Variants in STARD13 observed in about 807,000 individuals in gnomAD.
STARD13 encodes the protein stAR-related lipid transfer protein 13.
A neutral mutation model predicts 106.4 loss-of-function variants in STARD13; 62 were observed. The observed-to-expected ratio is 0.58, with a 90% CI of 0.48 to 0.72. The LOEUF (loss-of-function observed/expected upper bound fraction) is 0.72. Ranked by LOEUF, STARD13 falls within the 30% of genes least tolerant of loss-of-function variation. STARD13 has a pLI of 0.00. For missense variants in STARD13, 1,387 were observed against 1,424.0 expected (o/e 0.97, Z 0.42); for synonymous variants, 565 against 553.0 (o/e 1.02, Z -0.31).
chr13:33,355,799 T>C, the STARD13 span: 1 of 152,242 alleles, frequency 6.6e-6, no homozygotes, highest in Non-Finnish European at 1.5e-5. Flanking sequence ...CCTGCCCTGA[T>C]TGGTCTATCT....
At chr13:33,466,546 C>G in the STARD13 span, among the ~76,000 whole-genome samples, 1 of 152,038 alleles carries the variant, frequency 6.6e-6, no homozygotes, top group African/African-American at 2.4e-5. Context: ...TGCTAAGCTC[C>G]TAGACAGTAA....
the STARD13 span, among the ~76,000 whole-genome samples, chr13:33,565,323 A>C: frequency 6.8e-6 from 1 of 147,546 alleles, no homozygotes; most frequent in African/African-American, 2.5e-5. Flanking sequence ...ATTTCTAAAG[A>C]GCTAGGAGAG....
chr13:33,124,020 G>C (rs1876770633), intron 7 of STARD13, among the ~76,000 whole-genome samples: 2 of 152,232 alleles, frequency 1.3e-5, no homozygotes, highest in African/African-American at 4.8e-5. Context: ...CAGAAGTGCT[G>C]TTGGCGAAGA....
At chr13:33,153,951 A>C (rs938953416) in intron 3 of STARD13, among the ~76,000 whole-genome samples, 2 of 152,100 alleles carry the variant, frequency 1.3e-5, no homozygotes, top group African/African-American at 4.8e-5. Context: ...TGTGTTCTTA[A>C]CCTAGGGATC....
chr13:33,621,377 TA>T, the STARD13 span, among the ~76,000 whole-genome samples: 3 of 151,728 alleles, frequency 2.0e-5, no homozygotes, highest in African/African-American at 4.8e-5. Flanking sequence ...AATAAAACAC[TA>T]AAAAAAATTT....
chr13:33,463,049 T>C, the STARD13 span, among the ~76,000 whole-genome samples: 1 of 152,164 alleles, frequency 6.6e-6, no homozygotes, highest in Admixed American at 6.5e-5. Context: ...CAATACATAT[T>C]TGGTGTCTAA....
intron 3 of STARD13, among the ~76,000 whole-genome samples, chr13:33,147,805 A>C (rs973282116): frequency 6.6e-6 from 1 of 152,232 alleles, no homozygotes; most frequent in African/African-American, 2.4e-5. Flanking sequence ...GACTGACACT[A>C]TCCAAATTCA....
the STARD13 span, among the ~76,000 whole-genome samples, chr13:33,476,960 A>G: frequency 6.6e-6 from 1 of 152,188 alleles, no homozygotes; most frequent in Non-Finnish European, 1.5e-5. Context: ...CCAGAAATTA[A>G]AGCTGTTCAA....
intron 1 of STARD13, among the ~76,000 whole-genome samples, chr13:33,168,878 C>G (rs1373753632): frequency 1.3e-5 from 2 of 152,216 alleles, no homozygotes; most frequent in Non-Finnish European, 2.9e-5. Context: ...CCAGGAAGAG[C>G]AAAACCCTAC....
At chr13:33,635,269 C>CA in the STARD13 span, among the ~76,000 whole-genome samples, 3 of 151,992 alleles carry the variant, frequency 2.0e-5, no homozygotes, top group African/African-American at 7.3e-5. Flanking sequence ...GTTAAAATCC[C>CA]GTTTCTAACA....
At chr13:33,164,324 CTATT>C (rs1883079900) in intron 3 of STARD13, 1 of 152,218 alleles carries the variant, frequency 6.6e-6, no homozygotes, top group Non-Finnish European at 1.5e-5. Flanking sequence ...AATTTACACA[CTATT>C]TAATGTGCGT....
the STARD13 span, among the ~76,000 whole-genome samples, chr13:33,392,503 G>A: frequency 1.3e-5 from 2 of 152,130 alleles, no homozygotes; most frequent in African/African-American, 4.8e-5. Flanking sequence ...GGATTCAAGT[G>A]ATTCTACTGC....
chr13:33,262,662 A>ACAACAC (rs5802678), intron 1 of STARD13, among the ~76,000 whole-genome samples: 3 of 114,900 alleles, frequency 2.6e-5, no homozygotes, highest in African/African-American at 6.6e-5. Context: ...ACACACACAC[A>ACAACAC]ACACACACAC....
At chr13:33,495,788 A>G in the STARD13 span, among the ~76,000 whole-genome samples, 1 of 148,384 alleles carries the variant, frequency 6.7e-6, no homozygotes, top group African/African-American at 2.5e-5. Context: ...TATTCAGACA[A>G]GTATTATAAT....
chr13:33,675,948 C>G, the STARD13 span, among the ~76,000 whole-genome samples: 2 of 152,144 alleles, frequency 1.3e-5, no homozygotes, highest in Non-Finnish European at 2.9e-5. Flanking sequence ...TTAAAAGTTC[C>G]TGTACATTTC....
chr13:33,295,417 T>C (rs963757417), intron 1 of STARD13, among the ~76,000 whole-genome samples: 2 of 152,144 alleles, frequency 1.3e-5, no homozygotes, highest in African/African-American at 4.8e-5. Context: ...GAGAAATAAT[T>C]TAACCAAAAG....
At chr13:33,333,461 C>G (rs779208338) in intron 1 of STARD13, among the ~76,000 whole-genome samples, 23 of 152,190 alleles carry the variant, frequency 1.5e-4, no homozygotes, top group Non-Finnish European at 2.9e-4. Flanking sequence ...GCAATAACAA[C>G]AGCAGTATTA....
chr13:33,431,137 C>A, the STARD13 span, among the ~76,000 whole-genome samples: 1 of 152,082 alleles, frequency 6.6e-6, no homozygotes, highest in Non-Finnish European at 1.5e-5. Context: ...TCTACTTGTT[C>A]TTTACAAATT....
chr13:33,524,684 C>T, the STARD13 span, among the ~76,000 whole-genome samples: 678 of 151,874 alleles, frequency 4.5e-3, 6 homozygotes, highest in African/African-American at 0.014. Context: ...AAAACAAAAC[C>T]AGAGGTATTT....
Sources: gnomAD v4.1 joint callset for allele counts (sites outside exome capture counted in the v4.1 genomes callset) on GRCh38, gnomAD v4.1.1 for gene constraint, MANE v1.5 for transcripts, NCBI Gene and HGNC (gene_info 2026-07-23, HGNC 2026-07-21) for gene names.